The following RFC5 variants were observed in gnomAD, a reference collection of about 807,000 sequenced individuals.
RFC5 encodes replication factor C subunit 5, also known as A1 36 kDa subunit.
In RFC5, 26 loss-of-function variants were observed where a neutral mutation model predicts 44.3. The observed-to-expected ratio is 0.59, with a 90% confidence interval of 0.43 to 0.81. The LOEUF is 0.81. RFC5 is among the 40% of genes least tolerant of loss of function. RFC5 has a pLI of 0.00. For missense variants in RFC5, 328 were observed against 418.6 expected, an observed-to-expected ratio of 0.78 and a Z score of 1.89; for synonymous variants, 155 against 155.2, an observed-to-expected ratio of 1.00 and a Z score of 0.01.
Position 118,031,367 on chromosome 12 carries a change from T to C in RFC5, c.*89T>C. On this transcript the variant is annotated 3_prime_UTR_variant, in exon 11 of 11. Coordinates refer to ENST00000454402, the MANE Select transcript of RFC5 (RefSeq NM_007370.7). ...CAGGATAAACTGCTGCCTGGGGCTG[T>C]GGGATGAATCAGTCACCCCGAATCT... 1.2e-6 allele frequency: 1 copy of C among 846,272 alleles called. No homozygotes were observed. Among genetic ancestry groups the C allele is most frequent in the Non-Finnish European group, 1.9e-6 (1 of 526,300 alleles). 52.4% of individuals were successfully genotyped at this position (846,272 alleles called of 1,614,324 possible). A position where few individuals can be genotyped will look rare whatever the true frequency, so the allele number is the denominator to read the frequency against.
At chr12:118,031,080 C>A (rs986011545) in intron 10 of RFC5, 102 bp from the exon 11 acceptor site, 2 of 733,574 alleles carry the variant, frequency 2.7e-6, no homozygotes, top group Non-Finnish European at 2.4e-6. Flanking sequence ...ATTCCCATCC[C>A]CACTCCTTCA....
downstream of RFC5, chr12:118,036,370 G>A: frequency 6.2e-7 from 1 of 1,614,154 alleles, no homozygotes; most frequent in Non-Finnish European, 8.5e-7. Flanking sequence ...CGGTGTAGGG[G>A]TCCCACATAA....
At chr12:118,033,622 G>A (rs1413732300), downstream of RFC5, 1 of 150,666 alleles carries the variant, frequency 6.6e-6, no homozygotes, top group African/African-American at 2.4e-5. Context: ...CTGTAATTTA[G>A]TTAAGCTAAA....
At position 118,016,753 on chromosome 12, in the gene RFC5, T is replaced by G; in HGVS notation, c.-75T>G. On this transcript the variant is annotated 5_prime_UTR_variant, in exon 1 of 11. Coordinates refer to ENST00000454402, the MANE Select transcript of RFC5 (RefSeq NM_007370.7). ...TAAGTGCCAGGGTCTCAGGGTCAGGTCGCGGCTGGTCACTGTGCAGGCGCT... is the reference window on the plus strand; with the variant it reads ...TAAGTGCCAGGGTCTCAGGGTCAGGGCGCGGCTGGTCACTGTGCAGGCGCT... The G allele has an allele frequency of 7.9e-7, 1 of 1,261,014 alleles. No homozygotes were observed. The highest frequency in any genetic ancestry group is 1.3e-5 in the South Asian group (1 of 78,372). The allele number at this position is 1,261,014 out of a possible 1,614,324, so 78.1% of individuals were successfully genotyped here.
the RFC5 span, among the ~76,000 whole-genome samples, chr12:118,039,272 C>T: frequency 2.0e-5 from 3 of 152,108 alleles, no homozygotes; most frequent in African/African-American, 7.2e-5. Context: ...GTGTCTCACA[C>T]AATCTCTCCA....
intron 10 of RFC5, 49 bp downstream of exon 10, chr12:118,029,874 T>C (rs925238543): frequency 3.0e-6 from 4 of 1,322,118 alleles, no homozygotes; most frequent in Non-Finnish European, 2.2e-6. Flanking sequence ...TTTTTTCCCC[T>C]GTTGTGAGTT....
Position 118,031,361 on chromosome 12 carries a change from G to T in RFC5, c.*83G>T, listed in dbSNP as rs2087489343. On this transcript the variant is annotated 3_prime_UTR_variant, in exon 11 of 11. Transcript: ENST00000454402. ...CAGTTCCAGGATAAACTGCTGCCTG[G>T]GGCTGTGGGATGAATCAGTCACCCC... is the stretch of plus-strand genomic sequence containing the variant. 1 of 905,332 alleles carries T rather than the reference G, an allele frequency of 1.1e-6. No homozygotes were observed. Among genetic ancestry groups the T allele is most frequent in the Non-Finnish European group, 1.7e-6 (1 of 573,122 alleles). The allele number at this position is 905,332 out of a possible 1,614,324, so 56.1% of individuals were successfully genotyped here. A position where few individuals can be genotyped will look rare whatever the true frequency, so the allele number is the denominator to read the frequency against.
rs761677922 is a variant in RFC5, at chr12:118,031,215, C to T, written c.960C>T (p.Ile320=). The part of the protein sequence containing the change: ...YRLSVGTNEK[I]QLSSLIAAFQ... ...TTTCTGTTGGCACCAACGAGAAGAT[C>T]CAGCTGAGCTCCCTCATTGCTGCAT... The change falls in exon 11 of 11, where the codon ATC becomes ATT. Residue 320 remains isoleucine (I), a synonymous_variant. Coordinates refer to ENST00000454402, the MANE Select transcript of RFC5 (RefSeq NM_007370.7). 2 of 1,613,942 alleles carry T rather than the reference C, an allele frequency of 1.2e-6. No homozygotes were observed. The highest frequency in any genetic ancestry group is 1.7e-5 in the Admixed American group (1 of 59,994).
rs141299152 is a variant in RFC5, at chr12:118,029,791, C to A, written c.892C>A (p.Arg298=). ...CTCAGTTGACTTTCCATCTTCAGTT[C>A]GAATACATTTATTGACCAAAATGGC... is the stretch of plus-strand genomic sequence containing the variant. ...VHRVDFPSSV[R]IHLLTKMADI... is the part of the protein sequence containing the mutation. The change falls in exon 10 of 11, where the codon CGA becomes AGA. Residue 298 remains arginine, a synonymous_variant. Transcript: ENST00000454402. The A allele has an allele frequency of 6.2e-7, 1 of 1,609,846 alleles. No individual in the cohort carries two copies. Among genetic ancestry groups the A allele is most frequent in the Non-Finnish European group, 8.5e-7 (1 of 1,176,178 alleles).
At position 118,029,810 on chromosome 12, in the gene RFC5, A is replaced by G; in HGVS notation, c.911A>G (p.Lys304Arg). The part of the protein sequence containing the change: ...PSSVRIHLLT[K>R]MADIEYRLSV... ...TCAGTTCGAATACATTTATTGACCA[A>G]AATGGCAGACATTGAGTGAGTACTT... The change falls in exon 10 of 11, where the codon AAA becomes AGA. Residue 304 changes from lysine (K) to arginine (R), a missense_variant. By Grantham distance (26) the Lys-to-Arg change is conservative. Coordinates refer to ENST00000454402, the MANE Select transcript of RFC5 (RefSeq NM_007370.7). 5 of 1,609,162 alleles carry G rather than the reference A, an allele frequency of 3.1e-6. No homozygotes were observed. The highest frequency in any genetic ancestry group is 4.3e-6 in the Non-Finnish European group (5 of 1,175,458).
rs1416251623 is a variant in RFC5 at position 118,029,816 on chromosome 12, C to T, written c.917C>T (p.Ala306Val). ...SVRIHLLTKMADIEYRLSVGT... is the reference protein window; with the variant it reads ...SVRIHLLTKMVDIEYRLSVGT... ...CGAATACATTTATTGACCAAAATGG[C>T]AGACATTGAGTGAGTACTTCTTGCC... Residue 306 changes from alanine (A) to valine (V), a missense_variant, in exon 10 of 11, where the codon GCA becomes GTA. By Grantham distance (64) the Ala-to-Val change is moderately conservative. Transcript: ENST00000454402. 1 of 1,605,092 alleles carries T rather than the reference C, an allele frequency of 6.2e-7. No homozygotes were observed. The highest frequency in any genetic ancestry group is 1.1e-5 in the South Asian group (1 of 90,924).
rs2030320713 is a variant in RFC5, at chr12:118,019,252, T to C, written c.130+116T>C. 1.1e-5 allele frequency: 9 copies of C among 807,862 alleles called. No individual in the cohort carries two copies. Among genetic ancestry groups the C allele is most frequent in the African/African-American group, 1.7e-5 (1 of 59,252 alleles). The allele number at this position is 807,862 out of a possible 1,614,324, so 50.0% of individuals were successfully genotyped here. A position where few individuals can be genotyped will look rare whatever the true frequency, so the allele number is the denominator to read the frequency against. ...AAGAATCTGATTGCGCTTTGTAGAATGTGGCTTTAAGATCATTCATTCATT... is the reference window on the plus strand; with the variant it reads ...AAGAATCTGATTGCGCTTTGTAGAACGTGGCTTTAAGATCATTCATTCATT... On this transcript the variant is annotated intron_variant, in intron 2 of 10. Coordinates refer to ENST00000454402, the MANE Select transcript of RFC5 (RefSeq NM_007370.7). The surrounding 1 kb of genome is among the most constrained non-coding windows in gnomAD (Gnocchi z 4.2).
chr12:118,034,343 G>A (rs145093422), downstream of RFC5: 121 of 1,613,886 alleles, frequency 7.5e-5, no homozygotes, highest in Middle Eastern at 1.6e-4. Flanking sequence ...AGAACTGGAC[G>A]TGGCCATCTC....
chr12:118,023,363 G>C (rs1467315032), intron 5 of RFC5, among the ~76,000 whole-genome samples: 1 of 142,628 alleles, frequency 7.0e-6, no homozygotes, highest in Non-Finnish European at 1.5e-5. Flanking sequence ...CGAGGGAGTA[G>C]ATGGCAGCAC....
chr12:118,032,511 A>T (rs1222853690), downstream of RFC5: 1 of 152,146 alleles, frequency 6.6e-6, no homozygotes, highest in Non-Finnish European at 1.5e-5. Flanking sequence ...TCAGTCACCC[A>T]GGCTGGAATA....
At chr12:118,017,848 A>T (rs1197028291) in intron 1 of RFC5, 6 of 671,906 alleles carry the variant, frequency 8.9e-6, no homozygotes, top group Non-Finnish European at 1.6e-5. Flanking sequence ...TAACCATTTT[A>T]AAATGTACAA....
At chr12:118,036,940 G>C (rs997732142), downstream of RFC5, among the ~76,000 whole-genome samples, 23 of 152,188 alleles carry the variant, frequency 1.5e-4, 1 homozygote, top group African/African-American at 5.5e-4. Context: ...TCAGCACTTT[G>C]GGTGGCTGAG....
chr12:118,018,147 A>G (rs1481350340), intron 1 of RFC5: 1 of 611,570 alleles, frequency 1.6e-6, no homozygotes, highest in Non-Finnish European at 3.0e-6. Context: ...TGCTTGTATC[A>G]GTAGTTAATT....
At chr12:118,020,059 C>T (rs549446877) in intron 3 of RFC5, among the ~76,000 whole-genome samples, 55 of 152,336 alleles carry the variant, frequency 3.6e-4, no homozygotes, top group South Asian at 8.3e-4. Flanking sequence ...GCCATGGCCC[C>T]TCTAGATCAA....
Sources: gnomAD v4.1 joint callset for allele counts (sites outside exome capture counted in the v4.1 genomes callset) on GRCh38, gnomAD v4.1.1 for gene constraint, Gnocchi (gnomAD v3.1) non-coding constraint, MANE v1.5 for transcripts, NCBI Gene and HGNC (gene_info 2026-07-23, HGNC 2026-07-21) for gene names.